PLXDC2: variants seen among roughly 807,000 people sequenced by gnomAD.
The protein encoded by PLXDC2 is plexin domain containing 2.
A neutral mutation model predicts 68.9 loss-of-function variants in PLXDC2; 40 were observed. That is an observed-to-expected ratio of 0.58 (90% CI 0.45 to 0.76). PLXDC2 has a LOEUF of 0.76. Ranked by LOEUF, PLXDC2 falls within the 30% of genes least tolerant of loss-of-function variation. PLXDC2 has a pLI of 0.00. For synonymous variants in PLXDC2, 243 were observed against 234.2 expected (o/e 1.04, Z -0.34); for missense variants, 644 against 661.9 (o/e 0.97, Z 0.30).
chr10:20,176,978 T>G, intron 7 of PLXDC2, 21 bp from the exon 8 acceptor site: 1 of 1,543,678 alleles, frequency 6.5e-7, no homozygotes, highest in Non-Finnish European at 8.8e-7. Flanking sequence ...AAAAATTGAT[T>G]TTTTTTCCTT....
intron 5 of PLXDC2, among the ~76,000 whole-genome samples, chr10:20,147,472 T>A (rs4255445): frequency 0.055 from 8,352 of 152,128 alleles, 252 homozygotes; most frequent in Middle Eastern, 0.082. Flanking sequence ...AAGTGGCTTA[T>A]GGAAATTTAA....
At chr10:20,207,467 T>C (rs1326909914) in intron 9 of PLXDC2, among the ~76,000 whole-genome samples, 1 of 152,176 alleles carries the variant, frequency 6.6e-6, no homozygotes, top group Non-Finnish European at 1.5e-5. Flanking sequence ...TGGATACATT[T>C]GAAACAGAAT....
At chr10:19,852,798 C>T (rs989275586) in intron 1 of PLXDC2, among the ~76,000 whole-genome samples, 5 of 152,064 alleles carry the variant, frequency 3.3e-5, no homozygotes, top group African/African-American at 9.7e-5. Context: ...CATTGCAAGA[C>T]GCTTCTGAGG....
At chr10:20,132,062 C>G (rs1833874796) in intron 4 of PLXDC2, among the ~76,000 whole-genome samples, 1 of 152,242 alleles carries the variant, frequency 6.6e-6, no homozygotes, top group Non-Finnish European at 1.5e-5. Context: ...TTGTTTGTCT[C>G]AAGATATCTT....
At chr10:20,045,680 CA>C (rs2131681843) in intron 2 of PLXDC2, among the ~76,000 whole-genome samples, 1 of 151,944 alleles carries the variant, frequency 6.6e-6, no homozygotes, top group East Asian at 1.9e-4. Context: ...GACTGGATTT[CA>C]GGAATAATTT....
At chr10:20,257,716 G>A (rs1338888661) in intron 13 of PLXDC2, among the ~76,000 whole-genome samples, 1 of 152,142 alleles carries the variant, frequency 6.6e-6, no homozygotes, top group Non-Finnish European at 1.5e-5. Flanking sequence ...TCAATAAGAA[G>A]TTACTTGAAA....
intron 1 of PLXDC2, among the ~76,000 whole-genome samples, chr10:19,873,974 A>G (rs937640785): frequency 6.6e-6 from 1 of 152,156 alleles, no homozygotes; most frequent in Non-Finnish European, 1.5e-5. Context: ...CCATACTCTT[A>G]AAACTTCAGG....
At chr10:20,020,533 T>C (rs1024861095) in intron 2 of PLXDC2, among the ~76,000 whole-genome samples, 1 of 150,180 alleles carries the variant, frequency 6.7e-6, no homozygotes, top group African/African-American at 2.4e-5. Flanking sequence ...ACCACCTGTA[T>C]ATATGTATCT....
chr10:20,000,019 T>C (rs1834907993), intron 1 of PLXDC2, among the ~76,000 whole-genome samples: 1 of 152,160 alleles, frequency 6.6e-6, no homozygotes, highest in South Asian at 2.1e-4. Flanking sequence ...ACAGTAGTTT[T>C]TTCATTACTT....
intron 1 of PLXDC2, among the ~76,000 whole-genome samples, chr10:19,876,618 AAAAAAAAGAGAG>A (rs1403664149): frequency 4.2e-4 from 64 of 150,664 alleles, no homozygotes; most frequent in Non-Finnish European, 7.4e-4. Context: ...AAAAAAAAAA[AAAAAAAAGAGAG>A]AGAGAGAGAG....
chr10:20,163,126 G>T (rs992880828), intron 6 of PLXDC2, among the ~76,000 whole-genome samples: 9 of 152,076 alleles, frequency 5.9e-5, no homozygotes, highest in Non-Finnish European at 1.2e-4. Context: ...CTTGTTTTGT[G>T]TGTTTCTGTT....
Sources: gnomAD v4.1 joint callset for allele counts (sites outside exome capture counted in the v4.1 genomes callset) on GRCh38, gnomAD v4.1.1 for gene constraint, MANE v1.5 for transcripts, NCBI Gene and HGNC (gene_info 2026-07-23, HGNC 2026-07-21) for gene names.